The following GRIP2 variants were observed in gnomAD, a reference collection of about 807,000 sequenced individuals.
GRIP2 encodes glutamate receptor interacting protein 2.
Under a neutral mutation model 108.3 loss-of-function variants are expected in GRIP2, and 58 were observed. The observed-to-expected ratio is 0.54, with a 90% CI of 0.43 to 0.67. GRIP2 has a LOEUF of 0.67. Among genes scored for constraint, GRIP2 ranks in the 30% least tolerant of loss-of-function variants. The pLI is 0.00. For missense variants in GRIP2, 1,278 were observed against 1,430.6 expected, an observed-to-expected ratio of 0.89 and a Z score of 1.72; for synonymous variants, 586 against 598.2, an observed-to-expected ratio of 0.98 and a Z score of 0.30.
the GRIP2 span, among the ~76,000 whole-genome samples, chr3:14,599,744 T>C: frequency 1.3e-5 from 2 of 149,336 alleles, no homozygotes; most frequent in African/African-American, 5.0e-5. Context: ...CTCCAGCTGG[T>C]CTCTGCACAA....
the GRIP2 span, among the ~76,000 whole-genome samples, chr3:14,561,516 C>T: frequency 6.6e-6 from 1 of 152,228 alleles, no homozygotes; most frequent in Non-Finnish European, 1.5e-5. Context: ...CTATCTGGCT[C>T]TCCTCAAAAC....
chr3:14,587,639 C>CAA, the GRIP2 span, among the ~76,000 whole-genome samples: 7 of 124,382 alleles, frequency 5.6e-5, no homozygotes, highest in African/African-American at 1.2e-4. Flanking sequence ...ATGCCATCTC[C>CAA]AAAAAAAAAA....
the GRIP2 span, among the ~76,000 whole-genome samples, chr3:14,599,649 T>A: frequency 1.4e-5 from 2 of 146,022 alleles, no homozygotes; most frequent in Non-Finnish European, 3.0e-5. Flanking sequence ...AGGGGGAGGG[T>A]CATTGAAGCA....
chr3:14,502,751 T>A (rs937897818), intron 21 of GRIP2, among the ~76,000 whole-genome samples: 2 of 152,068 alleles, frequency 1.3e-5, no homozygotes, highest in Non-Finnish European at 1.5e-5. Context: ...AAAAGGATCA[T>A]GACTTAAGCA....
At chr3:14,561,488 C>T in the GRIP2 span, among the ~76,000 whole-genome samples, 3 of 152,340 alleles carry the variant, frequency 2.0e-5, no homozygotes, top group South Asian at 6.2e-4. Context: ...GTGGCCAAGC[C>T]AGGATTCAAA....
At chr3:14,540,904 G>C (rs752249850), upstream of GRIP2, among the ~76,000 whole-genome samples, 4 of 152,304 alleles carry the variant, frequency 2.6e-5, no homozygotes, top group Admixed American at 2.6e-4. This position sits in a 1 kb window ranked among gnomAD's most constrained non-coding sequence, Gnocchi z 4.1. Flanking sequence ...GTTTTCCCTC[G>C]GTAAAATGGG....
rs539140455 is a variant in GRIP2 at position 14,550,226 on chromosome 3, C to A, written c.55+5674G>T. On this transcript the variant is annotated intron_variant, in intron 1 of 23. Transcript: ENST00000637182. ...CCATTCCCAGCACCAAGTAGCAGAG[C>A]CAATTCCCACCTCTGAGCCTTTTTA... Among the ~76,000 whole-genome samples the A allele has an allele frequency of 4.6e-5, 7 of 152,330 alleles. No individual in the cohort carries two copies. In the South Asian group the frequency reaches 1.4e-3, roughly 32 times the overall value.
intron 1 of GRIP2, among the ~76,000 whole-genome samples, chr3:14,552,123 C>A (rs1019151207): frequency 3.3e-5 from 5 of 152,108 alleles, no homozygotes; most frequent in Non-Finnish European, 7.3e-5. Flanking sequence ...AATTCTGGTG[C>A]CCCCAGGCAT....
Position 14,505,805 on chromosome 3 carries a change from G to A in GRIP2, c.2399-16C>T. 1 of 1,503,038 alleles carries A rather than the reference G, an allele frequency of 6.7e-7. No homozygotes were observed. The highest frequency in any genetic ancestry group is 1.4e-5 in the South Asian group (1 of 73,514). 93.1% of individuals were successfully genotyped at this position (1,503,038 alleles called of 1,614,324 possible). On this transcript the variant is annotated splice_polypyrimidine_tract_variant and intron_variant, in intron 19 of 23. Coordinates refer to ENST00000621039, the MANE Select transcript of GRIP2 (RefSeq NM_001080423.4). This position sits in a 1 kb window ranked among gnomAD's most constrained non-coding sequence, Gnocchi z 4.2. ...GTATAGGACCCTGGTGGTGGAGAGA[G>A]GGCCTCTGTGTTCCCTGCGGCCTCA...
Position 14,511,244 on chromosome 3 carries a change from G to C in GRIP2, c.1854C>G (p.Pro618=). Reference sequence around the variant, plus strand: ...GCAGGATTTGCACGGCGTCCTCCATGGGGCAGTTGTCCAGGCGGATATTGT... The same window carrying C: ...GCAGGATTTGCACGGCGTCCTCCATCGGGCAGTTGTCCAGGCGGATATTGT... ...AIDNIRLDNC[P]MEDAVQILRQ... The change falls in exon 16 of 24, where the codon CCC becomes CCG. Residue 618 remains proline (P), a synonymous_variant. Coordinates refer to ENST00000621039, the MANE Select transcript of GRIP2 (RefSeq NM_001080423.4). This position sits in a 1 kb window ranked among gnomAD's most constrained non-coding sequence, Gnocchi z 4.1. 6.2e-7 allele frequency: 1 copy of C among 1,614,002 alleles called. No homozygotes were observed. Among genetic ancestry groups the C allele is most frequent in the Non-Finnish European group, 8.5e-7 (1 of 1,179,894 alleles).
intron 21 of GRIP2, among the ~76,000 whole-genome samples, chr3:14,499,611 C>T (rs2124844991): frequency 6.6e-6 from 1 of 152,066 alleles, no homozygotes; most frequent in African/African-American, 2.4e-5. Context: ...TAGTCCCCAG[C>T]TACTCGGGTG....
rs199643383 is a variant in GRIP2, at chr3:14,496,099, C to T, written c.2823+318G>A. On this transcript the variant is annotated intron_variant, in intron 22 of 23. Transcript: ENST00000621039. ...GGTCAGGGCCGCAGTGAGCCATGAT[C>T]GAGCAACTGCACTCCAGCCTGGGCA... 1.8e-4 allele frequency among the ~76,000 whole-genome samples: 27 copies of T among 152,164 alleles called. No individual in the cohort carries two copies. The East Asian group carries it at 3.5e-3, about 20-fold the overall frequency.
intron 21 of GRIP2, among the ~76,000 whole-genome samples, chr3:14,498,180 C>T (rs975627197): frequency 3.3e-5 from 5 of 152,142 alleles, no homozygotes; most frequent in Non-Finnish European, 5.9e-5. Flanking sequence ...AAATGTTTTA[C>T]GTTGGTTGTG....
rs372084899 is a variant in GRIP2 at position 14,504,828 on chromosome 3, G to C, written c.2573+787C>G. The stretch of plus-strand genomic sequence containing the variant: ...ATAAAGTGTGGCCCCTGTTCTTACA[G>C]AGCTGGAGATTCATTCGCAAAATAT... On this transcript the variant is annotated intron_variant, in intron 20 of 23. Coordinates refer to ENST00000621039, the MANE Select transcript of GRIP2 (RefSeq NM_001080423.4). Among the ~76,000 whole-genome samples, 59 of 152,318 alleles carry C rather than the reference G, an allele frequency of 3.9e-4. 3 individuals are homozygous for C. In the South Asian group the frequency reaches 0.011, roughly 27 times the overall value.
upstream of GRIP2, among the ~76,000 whole-genome samples, chr3:14,558,673 G>A (rs1279624962): frequency 6.6e-6 from 1 of 152,130 alleles, no homozygotes; most frequent in Non-Finnish European, 1.5e-5. Context: ...AGGACACTCT[G>A]AGGACCACAT....
rs573098138 is a variant in GRIP2, at chr3:14,512,039, G to A, written c.1721-560C>T. Among the ~76,000 whole-genome samples the A allele has an allele frequency of 1.3e-5, 2 of 152,210 alleles. No individual in the cohort carries two copies. Among genetic ancestry groups the A allele is most frequent in the African/African-American group, 4.8e-5 (2 of 41,454 alleles). On this transcript the variant is annotated intron_variant, in intron 14 of 23. Transcript: ENST00000621039. This position sits in a 1 kb window ranked among gnomAD's most constrained non-coding sequence, Gnocchi z 5.1. ...TGAGAAACGGGCTTGTGTCGAGGGC[G>A]GTAAATGTTCAGTCAGGTGGTCGGG...
chr3:14,498,004 G>A (rs1233199099), intron 21 of GRIP2, among the ~76,000 whole-genome samples: 3 of 152,114 alleles, frequency 2.0e-5, no homozygotes, highest in Non-Finnish European at 4.4e-5. Flanking sequence ...CTCTAACATC[G>A]TGCAATCTCA....
At chr3:14,538,939 C>G (rs918592354) in intron 1 of GRIP2, among the ~76,000 whole-genome samples, 40 of 152,208 alleles carry the variant, frequency 2.6e-4, no homozygotes, top group African/African-American at 9.4e-4. Flanking sequence ...GTAAGGTCTC[C>G]AGGGCACTGC....
rs1464795059 is a variant in GRIP2 at position 14,524,400 on chromosome 3, G to A, written c.396C>T (p.Pro132=). 6.2e-7 allele frequency: 1 copy of A among 1,610,098 alleles called. No homozygotes were observed. Among genetic ancestry groups the A allele is most frequent in the African/African-American group, 1.3e-5 (1 of 74,874 alleles). ...RVVLEVEYEL[P]PPAPENNPRI... ...CCGTCCAAGGGCACCCACCGGGCGG[G>A]GGCAGCTCATACTCCACCTCCAGCA... is the stretch of plus-strand genomic sequence containing the variant. The change falls in exon 4 of 24, where the codon CCC becomes CCT. Residue 132 remains proline, a synonymous_variant. Transcript: ENST00000621039.
Sources: allele counts gnomAD v4.1 joint callset (sites outside exome capture counted in the v4.1 genomes callset), GRCh38; gene constraint gnomAD v4.1.1; non-coding constraint Gnocchi (gnomAD v3.1); transcripts MANE v1.5; gene names NCBI Gene and HGNC (gene_info 2026-07-23, HGNC 2026-07-21).